GRM7: variants seen among roughly 807,000 people sequenced by gnomAD.
GRM7 encodes the protein glutamate metabotropic receptor 7, also known as metabotropic glutamate receptor 7.
GRM7 carries 35 observed loss-of-function variants against 84.5 expected under a neutral mutation model. The ratio of observed to expected loss-of-function variants is 0.41; its 90% CI spans 0.32 to 0.55. The LOEUF (loss-of-function observed/expected upper bound fraction) is 0.55, where lower values mean the gene tolerates loss of function less well. Among genes scored for constraint, GRM7 ranks in the 20% least tolerant of loss-of-function variants. The pLI, the probability that GRM7 is intolerant of heterozygous loss-of-function variation, is 0.19. For missense variants in GRM7, 1,003 were observed against 1,194.6 expected, an observed-to-expected ratio of 0.84 and a Z score of 2.36; for synonymous variants, 487 against 455.1, an observed-to-expected ratio of 1.07 and a Z score of -0.89.
At chr3:7,186,349 T>A (rs1695513908) in intron 2 of GRM7, among the ~76,000 whole-genome samples, 1 of 152,368 alleles carries the variant, frequency 6.6e-6, no homozygotes, top group Non-Finnish European at 1.5e-5. Flanking sequence ...AATACAGACC[T>A]ATACTTTAAA....
At chr3:7,613,921 T>G (rs941978783) in intron 8 of GRM7, among the ~76,000 whole-genome samples, 1 of 152,180 alleles carries the variant, frequency 6.6e-6, no homozygotes, top group African/African-American at 2.4e-5. Context: ...AAAAATTAGT[T>G]GTTGAATGAA....
chr3:7,523,933 G>A (rs907866393), intron 7 of GRM7, among the ~76,000 whole-genome samples: 4 of 152,022 alleles, frequency 2.6e-5, no homozygotes, highest in South Asian at 2.1e-4. Flanking sequence ...AGTTTTCTGG[G>A]TTTTGTTGTT....
At chr3:7,165,588 T>C (rs1292508499) in intron 2 of GRM7, among the ~76,000 whole-genome samples, 1 of 152,246 alleles carries the variant, frequency 6.6e-6, no homozygotes, top group East Asian at 1.9e-4. Context: ...ATATATTGAA[T>C]AATTCCAATA....
At chr3:7,255,990 G>A (rs568856494) in intron 2 of GRM7, among the ~76,000 whole-genome samples, 1 of 152,206 alleles carries the variant, frequency 6.6e-6, no homozygotes, top group South Asian at 2.1e-4. Flanking sequence ...CCTTTCACCA[G>A]CCCACAGTCC....
intron 4 of GRM7, among the ~76,000 whole-genome samples, chr3:7,314,816 C>G (rs1405289768): frequency 5.3e-5 from 8 of 151,974 alleles, no homozygotes; most frequent in Admixed American, 5.2e-4. Flanking sequence ...CCATATCTTC[C>G]TATTTATTTG....
At chr3:7,244,858 A>C (rs760775889) in intron 2 of GRM7, among the ~76,000 whole-genome samples, 1 of 152,090 alleles carries the variant, frequency 6.6e-6, no homozygotes, top group Non-Finnish European at 1.5e-5. Context: ...GATAGACTGC[A>C]TATGTTGGAA....
chr3:6,951,848 A>G (rs539907522), intron 1 of GRM7, among the ~76,000 whole-genome samples: 2 of 152,172 alleles, frequency 1.3e-5, no homozygotes, highest in African/African-American at 4.8e-5. Context: ...TCTCTTAATT[A>G]TTGTGCTTCA....
At chr3:7,666,368 TA>T (rs1237278936) in intron 8 of GRM7, among the ~76,000 whole-genome samples, 1 of 152,190 alleles carries the variant, frequency 6.6e-6, no homozygotes, top group East Asian at 1.9e-4. Context: ...AGAGACTAGC[TA>T]AAAAATTCAA....
At chr3:7,064,505 C>CATAT (rs144465602) in intron 1 of GRM7, among the ~76,000 whole-genome samples, 11,897 of 96,304 alleles carry the variant, frequency 0.12, 1,479 homozygotes, top group Non-Finnish European at 0.15. Context: ...TATATATACA[C>CATAT]ATATATATAT....
intron 1 of GRM7, among the ~76,000 whole-genome samples, chr3:7,094,977 T>C (rs1344386144): frequency 2.7e-5 from 4 of 150,570 alleles, no homozygotes; most frequent in Non-Finnish European, 5.9e-5. Context: ...TGAGGGCTGA[T>C]AGACTTTTTT....
At chr3:7,228,607 G>A (rs1438010548) in intron 2 of GRM7, among the ~76,000 whole-genome samples, 3 of 152,090 alleles carry the variant, frequency 2.0e-5, no homozygotes, top group Non-Finnish European at 2.9e-5. Flanking sequence ...CCGTGTATAC[G>A]GATAAAGAGA....
chr3:7,637,447 G>T, intron 8 of GRM7, among the ~76,000 whole-genome samples: 1 of 152,276 alleles, frequency 6.6e-6, no homozygotes, highest in Middle Eastern at 3.4e-3. Context: ...CATTCAGGAC[G>T]GATCGCAATC....
chr3:7,673,880 T>C (rs1700029244), intron 8 of GRM7, among the ~76,000 whole-genome samples: 1 of 152,090 alleles, frequency 6.6e-6, no homozygotes, highest in African/African-American at 2.4e-5. Context: ...TGCTTCCTAA[T>C]AGATCAATTT....
Position 7,427,419 on chromosome 3 carries a change from C to A in GRM7, c.1174+12256C>A, listed in dbSNP as rs186665329. Among the ~76,000 whole-genome samples, 632 of 152,180 alleles carry A rather than the reference C, an allele frequency of 4.2e-3. 9 individuals are homozygous for A. The highest frequency in any genetic ancestry group is 0.015 in the African/African-American group (606 of 41,524). ...GAAGAAATTGCATAAAGGGTTAAAA[C>A]CCTAATAGTAAAAATAATAAAATAA... On this transcript the variant is annotated intron_variant, in intron 5 of 9. Coordinates refer to ENST00000357716, the MANE Select transcript of GRM7 (RefSeq NM_000844.4).
chr3:7,489,518 A>G (rs1348082243), intron 7 of GRM7, among the ~76,000 whole-genome samples: 1 of 152,176 alleles, frequency 6.6e-6, no homozygotes, highest in Non-Finnish European at 1.5e-5. Flanking sequence ...TTCATCCTGC[A>G]TTGTAAAGCC....
At chr3:7,657,913 C>A (rs767809320) in intron 8 of GRM7, among the ~76,000 whole-genome samples, 1 of 152,164 alleles carries the variant, frequency 6.6e-6, no homozygotes, top group Non-Finnish European at 1.5e-5. Flanking sequence ...ACTCACTTCT[C>A]CAGGAATCTC....
intron 8 of GRM7, among the ~76,000 whole-genome samples, chr3:7,645,767 G>GACTGAGCTATCA (rs1698607607): frequency 6.6e-6 from 1 of 151,992 alleles, no homozygotes; most frequent in African/African-American, 2.4e-5. Context: ...ACCTGTTTAC[G>GACTGAGCTATCA]ACTGAGCTAT....
chr3:7,361,748 A>G (rs1693674042), intron 4 of GRM7, among the ~76,000 whole-genome samples: 2 of 152,142 alleles, frequency 1.3e-5, no homozygotes, highest in African/African-American at 4.8e-5. Context: ...CCACAAAGAC[A>G]GAAAGTGAAG....
intron 4 of GRM7, among the ~76,000 whole-genome samples, chr3:7,353,800 G>C: frequency 6.6e-6 from 1 of 152,134 alleles, no homozygotes; most frequent in East Asian, 1.9e-4. Flanking sequence ...CAGGCACCAA[G>C]TGGTGGCACT....
Sources: allele counts gnomAD v4.1 joint callset (sites outside exome capture counted in the v4.1 genomes callset), GRCh38; gene constraint gnomAD v4.1.1; transcripts MANE v1.5; gene names NCBI Gene and HGNC (gene_info 2026-07-23, HGNC 2026-07-21).